The following MED12L variants were observed in gnomAD, a reference collection of about 807,000 sequenced individuals.
MED12L encodes mediator complex subunit 12L, also known as mediator of RNA polymerase II transcription subunit 12-like protein.
MED12L carries 60 observed loss-of-function variants against 281.3 expected under a neutral mutation model. The ratio of observed to expected loss-of-function variants is 0.21; its 90% CI spans 0.17 to 0.26. The LOEUF is 0.26. MED12L is among the 10% of genes least tolerant of loss of function. The pLI is 1.00. For missense variants in MED12L, 2,146 were observed against 2,680.9 expected (o/e 0.80, Z 4.41); for synonymous variants, 974 against 987.2 (o/e 0.99, Z 0.25).
chr3:151,417,506 T>TTC (rs1717748501), intron 43 of MED12L, among the ~76,000 whole-genome samples: 1 of 140,152 alleles, frequency 7.1e-6, no homozygotes, highest in South Asian at 2.3e-4. Flanking sequence ...TTTTTTTTTT[T>TTC]GAGACGGAAT....
intron 39 of MED12L, among the ~76,000 whole-genome samples, chr3:151,399,105 G>A (rs1438471287): frequency 6.6e-6 from 1 of 152,088 alleles, no homozygotes; most frequent in Non-Finnish European, 1.5e-5. Flanking sequence ...ATGGGACTCA[G>A]TACAATGGTT....
In MED12L at chr3:151,165,495, G is replaced by T; in HGVS notation, c.1333G>T (p.Asp445Tyr). The T allele has an allele frequency of 6.2e-7, 1 of 1,613,776 alleles. No individual in the cohort carries two copies. The highest frequency in any genetic ancestry group is 1.1e-5 in the South Asian group (1 of 90,992). Residue 445 changes from aspartate to tyrosine, a missense_variant, in exon 10 of 45, where the codon GAC becomes TAC. This residue lies in a region of MED12L where 722 missense variants were observed against 861.2 expected (regional missense o/e 0.84). Transcript: ENST00000687756. ...TGCAGTGGAAGTTCGGTGGTCATTT[G>T]ACAAGTGCCAAGAATCCACAGCAGG... ...GRAVEVRWSF[D>Y]KCQESTAGVT...
Position 151,433,309 on chromosome 3 carries a change from T to G in MED12L, c.*505T>G, listed in dbSNP as rs1351464960. On this transcript the variant is annotated 3_prime_UTR_variant, in exon 45 of 45. Coordinates refer to ENST00000687756, the MANE Select transcript of MED12L (RefSeq NM_001393769.1). ...CTGTGATGGTGAAACGGACATTTAT[T>G]TGCATCGCTCTAATTTGAAATGTTT... The G allele has an allele frequency of 6.5e-6, 1 of 153,010 alleles. No individual in the cohort carries two copies. The highest frequency in any genetic ancestry group is 1.5e-5 in the Non-Finnish European group (1 of 68,284). 9.5% of individuals were successfully genotyped at this position (153,010 alleles called of 1,614,324 possible).
At chr3:151,089,674 G>A (rs1719764979) in intron 2 of MED12L, among the ~76,000 whole-genome samples, 1 of 151,830 alleles carries the variant, frequency 6.6e-6, no homozygotes, top group Non-Finnish European at 1.5e-5. Context: ...GGAGAAGTAT[G>A]GGGGTGGGGC....
At chr3:151,284,514 A>C (rs947221888) in intron 16 of MED12L, among the ~76,000 whole-genome samples, 1 of 152,214 alleles carries the variant, frequency 6.6e-6, no homozygotes, top group African/African-American at 2.4e-5. Flanking sequence ...TAATTTGAGC[A>C]CAACAGTTAT....
At chr3:151,326,939 A>G (rs1356372327) in intron 16 of MED12L, 1 of 152,128 alleles carries the variant, frequency 6.6e-6, no homozygotes. Context: ...CCTTTGAAAA[A>G]TCTCTCAATA....
At chr3:151,391,756 A>G (rs1714260486) in intron 38 of MED12L, among the ~76,000 whole-genome samples, 1 of 152,326 alleles carries the variant, frequency 6.6e-6, no homozygotes, top group Non-Finnish European at 1.5e-5. Flanking sequence ...TTGATTTATT[A>G]TCTTCCCAGA....
rs141482865 is a variant in MED12L at position 151,199,372 on chromosome 3, C to T, written c.2250+5706C>T. On this transcript the variant is annotated intron_variant, in intron 16 of 44. Transcript: ENST00000687756. ...GATCTTTATAAACTGGGCAGAAGAA[C>T]GAACTGTTTGTCATCTTGAGGGAAA... The T allele has an allele frequency of 1.8e-3, 2,963 of 1,607,698 alleles. 96 individuals are homozygous for T. In the Admixed American group the frequency reaches 0.046, roughly 25 times the overall value.
Position 151,367,669 on chromosome 3 carries a change from T to A in MED12L, c.3351T>A (p.Asp1117Glu). 1 of 1,608,746 alleles carries A rather than the reference T, an allele frequency of 6.2e-7. No homozygotes were observed. The highest frequency in any genetic ancestry group is 8.5e-7 in the Non-Finnish European group (1 of 1,176,708). Reference protein sequence around the residue: ...TVDVSDLSFHDSLATFIAILI... With the variant: ...TVDVSDLSFHESLATFIAILI... Reference sequence around the variant, plus strand: ...AGGTGAGTGACCTTTCATTCCATGATTCATTAGCTACTTTCATTGCTATTC... The same window carrying A: ...AGGTGAGTGACCTTTCATTCCATGAATCATTAGCTACTTTCATTGCTATTC... Residue 1117 changes from aspartate to glutamate, a missense_variant, in exon 24 of 45, where the codon GAT becomes GAA. By Grantham distance (45) the Asp-to-Glu change is conservative. Transcript: ENST00000687756.
intron 16 of MED12L, among the ~76,000 whole-genome samples, chr3:151,215,752 C>T (rs1728091024): frequency 6.6e-6 from 1 of 152,174 alleles, no homozygotes; most frequent in South Asian, 2.1e-4. Context: ...TCTGTCCTTG[C>T]CCTCAGGAGA....
In MED12L at chr3:151,158,709, C is replaced by T. The variant is rs777825240; in HGVS notation, c.747C>T (p.His249=). ...TTAAGGAAGGAATGTTAGAAAAACA[C>T]GAATATTTGACATGGATCCTGGATG... The part of the protein sequence containing the change: ...HMFQEGMLEK[H]EYLTWILDVL... Residue 249 remains histidine (H), a synonymous_variant, in exon 7 of 45, where the codon CAC becomes CAT. Coordinates refer to ENST00000687756, the MANE Select transcript of MED12L (RefSeq NM_001393769.1). 23 of 1,609,526 alleles carry T rather than the reference C, an allele frequency of 1.4e-5. No individual in the cohort carries two copies. The highest frequency in any genetic ancestry group is 2.2e-5 in the East Asian group (1 of 44,772).
chr3:151,180,493 G>A (rs564792785), intron 11 of MED12L, among the ~76,000 whole-genome samples: 36 of 152,280 alleles, frequency 2.4e-4, no homozygotes, highest in Admixed American at 3.3e-4. Context: ...CATGCCTACC[G>A]TATTATGGGC....
At chr3:151,166,044 T>C in intron 11 of MED12L, 62 bp downstream of exon 11, 1 of 1,457,560 alleles carries the variant, frequency 6.9e-7, no homozygotes, top group Non-Finnish European at 9.4e-7. Context: ...TTCTTCTTTC[T>C]CATTCAGGAA....
In MED12L at chr3:151,294,413, CTAAAAG is replaced by C. The variant is rs755718258; in HGVS notation, c.2251-55639_2251-55634del. On this transcript the variant is annotated intron_variant, in intron 16 of 44. Transcript: ENST00000687756. The stretch of plus-strand genomic sequence containing the variant: ...TTCATCTAAAAGCCTGTCTAAGTGA[CTAAAAG>C]TAAAAGGAATTCTGCACAAGTGATA... 120 of 1,614,118 alleles carry C rather than the reference CTAAAAG, an allele frequency of 7.4e-5. 2 individuals carry two copies. In the South Asian group the frequency reaches 1.3e-3, roughly 17 times the overall value.
At chr3:151,239,298 G>C (rs1425782589) in intron 16 of MED12L, among the ~76,000 whole-genome samples, 1 of 152,216 alleles carries the variant, frequency 6.6e-6, no homozygotes, top group African/African-American at 2.4e-5. Context: ...CATGGTTTTA[G>C]ATCCAATATT....
intron 16 of MED12L, among the ~76,000 whole-genome samples, chr3:151,290,124 C>T (rs928317806): frequency 6.6e-6 from 1 of 152,012 alleles, no homozygotes. Context: ...AACTCCTGAC[C>T]TTGTGATCAC....
intron 17 of MED12L, among the ~76,000 whole-genome samples, chr3:151,351,686 G>T (rs757325611): frequency 6.6e-6 from 1 of 152,148 alleles, no homozygotes; most frequent in African/African-American, 2.4e-5. Context: ...GGGGTAGGGG[G>T]GAGTCAGTAT....
chr3:151,233,898 T>C (rs1156924696), intron 16 of MED12L, among the ~76,000 whole-genome samples: 2 of 152,250 alleles, frequency 1.3e-5, no homozygotes, highest in East Asian at 3.8e-4. Flanking sequence ...CTAATGATTT[T>C]AGTCCATGTG....
intron 16 of MED12L, among the ~76,000 whole-genome samples, chr3:151,230,025 AG>A (rs1419005254): frequency 6.6e-6 from 1 of 151,900 alleles, no homozygotes; most frequent in African/African-American, 2.4e-5. Flanking sequence ...GCTGGAGTGC[AG>A]TGGTGCGATC....
Sources: gnomAD v4.1 joint callset for allele counts (sites outside exome capture counted in the v4.1 genomes callset) on GRCh38, gnomAD v4.1.1 for gene constraint, gnomAD v4.1.1 regional missense constraint, MANE v1.5 for transcripts, NCBI Gene and HGNC (gene_info 2026-07-23, HGNC 2026-07-21) for gene names.